FAM178B: variants seen among roughly 807,000 people sequenced by gnomAD.
FAM178B encodes protein FAM178B.
FAM178B carries 82 observed loss-of-function variants against 91.7 expected under a neutral mutation model. The ratio of observed to expected loss-of-function variants is 0.89; its 90% confidence interval spans 0.75 to 1.07. The LOEUF (loss-of-function observed/expected upper bound fraction) is 1.07, where lower values mean the gene tolerates loss of function less well. Ranked by LOEUF, FAM178B falls within the 50% of genes least tolerant of loss-of-function variation. The pLI is 0.00. For missense variants in FAM178B, 769 were observed against 846.7 expected (o/e 0.91, Z 1.14); for synonymous variants, 368 against 359.4 (o/e 1.02, Z -0.27).
At chr2:96,963,108 C>T (rs1032841625) in intron 5 of FAM178B, among the ~76,000 whole-genome samples, 1 of 152,200 alleles carries the variant, frequency 6.6e-6, no homozygotes, top group African/African-American at 2.4e-5. Context: ...GCCAGGACTA[C>T]CTTCTGCGTT....
Position 96,875,907 on chromosome 2 carries a change from G to A in FAM178B, c.*369C>T. 1 of 291,478 alleles carries A rather than the reference G, an allele frequency of 3.4e-6. No individual in the cohort carries two copies. The highest frequency in any genetic ancestry group is 6.5e-6 in the Non-Finnish European group (1 of 152,896). The allele number at this position is 291,478 out of a possible 1,614,324, so 18.1% of individuals were successfully genotyped here. ...TGATGCTGAAAGAAGACTTTAATGT[G>A]CACAAAGAAACCTCACATTAGTGAC... is the stretch of plus-strand genomic sequence containing the variant. On this transcript the variant is annotated 3_prime_UTR_variant, in exon 17 of 17. Transcript: ENST00000490605.
chr2:96,880,812 C>T (rs918693376), intron 14 of FAM178B, among the ~76,000 whole-genome samples: 33 of 152,172 alleles, frequency 2.2e-4, no homozygotes, highest in Admixed American at 1.8e-3. Context: ...GCCAGGATGG[C>T]CTCGATCTCC....
chr2:96,958,162 G>A (rs1271462034), intron 6 of FAM178B, among the ~76,000 whole-genome samples: 1 of 149,986 alleles, frequency 6.7e-6, no homozygotes, highest in South Asian at 2.1e-4. Context: ...TCCGCCTCCC[G>A]GATTCATGCC....
At chr2:96,916,738 G>T (rs1559071039) in intron 12 of FAM178B, among the ~76,000 whole-genome samples, 1 of 152,198 alleles carries the variant, frequency 6.6e-6, no homozygotes, top group Non-Finnish European at 1.5e-5. Context: ...TACATTTGCA[G>T]TGCATCCCAT....
intron 1 of FAM178B, among the ~76,000 whole-genome samples, chr2:96,975,222 A>G (rs1401179794): frequency 2.0e-5 from 3 of 152,228 alleles, no homozygotes; most frequent in Admixed American, 2.0e-4. Flanking sequence ...ACATGACAGA[A>G]TAACAATGTA....
intron 6 of FAM178B, among the ~76,000 whole-genome samples, chr2:96,953,877 C>T (rs1052250147): frequency 2.0e-5 from 3 of 152,188 alleles, no homozygotes; most frequent in African/African-American, 7.2e-5. Context: ...ACAGACAATG[C>T]CTTAACTCTG....
chr2:96,904,750 C>T (rs745438970), intron 12 of FAM178B, among the ~76,000 whole-genome samples: 9 of 151,918 alleles, frequency 5.9e-5, no homozygotes, highest in Admixed American at 1.3e-4. Context: ...CAGTACTCCA[C>T]GCCTGCAGTC....
chr2:96,971,269 T>C, intron 3 of FAM178B, among the ~76,000 whole-genome samples: 2 of 114,372 alleles, frequency 1.7e-5, no homozygotes. Flanking sequence ...CTCTCTCTCC[T>C]TCTCCCCCTC....
intron 14 of FAM178B, among the ~76,000 whole-genome samples, chr2:96,890,644 T>C (rs2080655253): frequency 6.6e-6 from 1 of 152,188 alleles, no homozygotes; most frequent in Non-Finnish European, 1.5e-5. Flanking sequence ...GGAGAGACAG[T>C]GGCAAATTGA....
At chr2:96,891,882 G>A (rs956425930) in intron 14 of FAM178B, among the ~76,000 whole-genome samples, 4 of 152,202 alleles carry the variant, frequency 2.6e-5, no homozygotes, top group Non-Finnish European at 5.9e-5. Context: ...CAGCCCCAAC[G>A]CTGGGAAAGT....
At chr2:96,949,694 C>T (rs887615335) in intron 7 of FAM178B, among the ~76,000 whole-genome samples, 1 of 152,240 alleles carries the variant, frequency 6.6e-6, no homozygotes, top group Admixed American at 6.5e-5. Flanking sequence ...AGCCAGTGCA[C>T]CCCTTTCATG....
chr2:96,961,149 G>A (rs1017397447), intron 5 of FAM178B, among the ~76,000 whole-genome samples: 4 of 152,222 alleles, frequency 2.6e-5, no homozygotes, highest in Non-Finnish European at 5.9e-5. Flanking sequence ...CATTTCAACA[G>A]TATCGGAGAG....
At chr2:96,894,622 A>AT (rs2080771828) in intron 13 of FAM178B, among the ~76,000 whole-genome samples, 1 of 18,396 alleles carries the variant, frequency 5.4e-5, no homozygotes, top group Non-Finnish European at 9.9e-5. Flanking sequence ...ACACCCACTC[A>AT]CCCCCCCACA....
rs560001046 is a variant in FAM178B at position 96,967,528 on chromosome 2, G to T, written c.726C>A (p.Pro242=). The change falls in exon 5 of 17, where the codon CCC becomes CCA. Residue 242 remains proline, a synonymous_variant. Coordinates refer to ENST00000490605, the MANE Select transcript of FAM178B (RefSeq NM_001122646.3). ...AGGCCCCTGCCCCTCACCTGTGCTC[G>T]GGTGTGAGTGGCACTTCCTCTTCAT... ...DLDEEEVPLT[P]EHRMLVEKYS... 7 of 1,544,098 alleles carry T rather than the reference G, an allele frequency of 4.5e-6. No individual in the cohort carries two copies. In the African/African-American group the frequency reaches 8.2e-5, roughly 18 times the overall value.
intron 12 of FAM178B, among the ~76,000 whole-genome samples, chr2:96,919,557 A>C (rs1307378218): frequency 6.6e-6 from 1 of 152,214 alleles, no homozygotes; most frequent in African/African-American, 2.4e-5. Flanking sequence ...TTTAGGGACG[A>C]AAGGGGTAAC....
At chr2:96,916,059 C>T (rs2081236619) in intron 12 of FAM178B, among the ~76,000 whole-genome samples, 1 of 152,182 alleles carries the variant, frequency 6.6e-6, no homozygotes, top group African/African-American at 2.4e-5. Flanking sequence ...GATGGTGGGG[C>T]ACTGAGGCAA....
chr2:96,957,993 G>T (rs1275232832), intron 6 of FAM178B, among the ~76,000 whole-genome samples: 1 of 151,436 alleles, frequency 6.6e-6, no homozygotes, highest in African/African-American at 2.4e-5. Context: ...ATGTAATAAA[G>T]TATTAGTTCA....
intron 6 of FAM178B, 93 bp downstream of exon 6, chr2:96,960,195 T>C: frequency 7.1e-7 from 1 of 1,410,056 alleles, no homozygotes; most frequent in South Asian, 1.4e-5. Flanking sequence ...TCTTCGAACT[T>C]CCCCCTTTGG....
chr2:96,971,840 TA>T, intron 3 of FAM178B, 60 bp downstream of exon 3: 2 of 1,426,676 alleles, frequency 1.4e-6, no homozygotes, highest in Non-Finnish European at 1.8e-6. Context: ...GGGGTGACTG[TA>T]AAAGGGTGGC....
Sources: gnomAD v4.1 joint callset for allele counts (sites outside exome capture counted in the v4.1 genomes callset) on GRCh38, gnomAD v4.1.1 for gene constraint, MANE v1.5 for transcripts, NCBI Gene and HGNC (gene_info 2026-07-23, HGNC 2026-07-21) for gene names.